The following RHEB variants were observed in gnomAD, a reference collection of about 807,000 sequenced individuals.
The protein encoded by RHEB is GTP-binding protein Rheb.
In RHEB, 2 loss-of-function variants were observed where a neutral mutation model predicts 28.8. The observed-to-expected ratio is 0.07, with a 90% CI of 0.03 to 0.22. The LOEUF (loss-of-function observed/expected upper bound fraction) is 0.22. RHEB is among the 10% of genes least tolerant of loss of function. The pLI, the probability that RHEB is intolerant of heterozygous loss-of-function variation, is 1.00. For missense variants in RHEB, 76 were observed against 219.9 expected, an observed-to-expected ratio of 0.35 and a Z score of 4.14; for synonymous variants, 69 against 77.3, an observed-to-expected ratio of 0.89 and a Z score of 0.56.
chr7:151,478,342 T>C (rs1563092804), intron 3 of RHEB, among the ~76,000 whole-genome samples: 3 of 151,814 alleles, frequency 2.0e-5, no homozygotes, highest in African/African-American at 4.8e-5. Flanking sequence ...ATAACCACTG[T>C]TTATGACAGC....
intron 4 of RHEB, among the ~76,000 whole-genome samples, chr7:151,473,381 C>T (rs1802200179): frequency 1.3e-5 from 2 of 152,182 alleles, no homozygotes; most frequent in East Asian, 1.9e-4. Context: ...CCCAGGCAAG[C>T]CTTCAGATGG....
At chr7:151,494,048 AG>A (rs759486318) in intron 1 of RHEB, among the ~76,000 whole-genome samples, 7 of 152,186 alleles carry the variant, frequency 4.6e-5, no homozygotes, top group Non-Finnish European at 8.8e-5. Flanking sequence ...GGGTAGGATA[AG>A]GGTTTGTGGG....
rs373922071 is a variant in RHEB at position 151,467,080 on chromosome 7, T to C, written c.*39A>G. 1.2e-5 allele frequency: 17 copies of C among 1,437,192 alleles called. No homozygotes were observed. The highest frequency in any genetic ancestry group is 8.4e-5 in the African/African-American group (6 of 71,472). The allele number at this position is 1,437,192 out of a possible 1,614,324, so 89.0% of individuals were successfully genotyped here. On this transcript the variant is annotated 3_prime_UTR_variant, in exon 8 of 8. Coordinates refer to ENST00000262187, the MANE Select transcript of RHEB (RefSeq NM_005614.4). ...AGAACGGGCAGTTTGCTTCTTCAGG[T>C]AGAATATATTCCCAGTGTCCTCAGG...
At chr7:151,471,056 C>T (rs1015554269) in intron 6 of RHEB, among the ~76,000 whole-genome samples, 2 of 152,252 alleles carry the variant, frequency 1.3e-5, no homozygotes, top group African/African-American at 2.4e-5. Flanking sequence ...CATGAAGCTG[C>T]CTGGGCAGGG....
chr7:151,472,966 G>A lies in RHEB; in HGVS notation c.276-1361C>T, dbSNP rs764443507. Reference sequence around the variant, plus strand: ...GTATTTGCCTATCTTTAAAAGTGTCGCCACTTGGGCAAAAATACAGTACCC... The same window carrying A: ...GTATTTGCCTATCTTTAAAAGTGTCACCACTTGGGCAAAAATACAGTACCC... On this transcript the variant is annotated intron_variant, in intron 4 of 7. Transcript: ENST00000262187. This position sits in a 1 kb window ranked among gnomAD's most constrained non-coding sequence, Gnocchi z 5.2. Among the ~76,000 whole-genome samples the A allele has an allele frequency of 7.2e-5, 11 of 152,136 alleles. No homozygotes were observed. Among genetic ancestry groups the A allele is most frequent in the South Asian group, 2.1e-4 (1 of 4,830 alleles).
intron 1 of RHEB, among the ~76,000 whole-genome samples, chr7:151,495,326 T>A (rs1019702543): frequency 2.0e-5 from 3 of 152,226 alleles, no homozygotes; most frequent in African/African-American, 7.2e-5. Context: ...CATAAATTAC[T>A]ATAAATGGTT....
chr7:151,480,687 TTA>T (rs200621793), intron 3 of RHEB, among the ~76,000 whole-genome samples: 14 of 59,196 alleles, frequency 2.4e-4, no homozygotes, highest in South Asian at 1.3e-3. Flanking sequence ...TTATTAATTA[TTA>T]TTTTTTTTTT....
At position 151,468,594 on chromosome 7, in the gene RHEB, G is replaced by A. The variant is rs538124493; in HGVS notation, c.463-1383C>T. On this transcript the variant is annotated intron_variant, in intron 7 of 7. Coordinates refer to ENST00000262187, the MANE Select transcript of RHEB (RefSeq NM_005614.4). The surrounding 1 kb of genome is among the most constrained non-coding windows in gnomAD (Gnocchi z 4.3). ...CTCCTCAAATGTTCCCCGTGCTTAC[G>A]CTCAGCTGAAAACCTTGTTTTACAC... Among the ~76,000 whole-genome samples, 49 of 152,328 alleles carry A rather than the reference G, an allele frequency of 3.2e-4. No homozygotes were observed. Among genetic ancestry groups the A allele is most frequent in the Admixed American group, 8.5e-4 (13 of 15,296 alleles).
chr7:151,489,083 C>T (rs1327133816), intron 2 of RHEB, among the ~76,000 whole-genome samples: 1 of 152,170 alleles, frequency 6.6e-6, no homozygotes, highest in African/African-American at 2.4e-5. Context: ...CACACACCAT[C>T]ACGCCCAGCT....
At chr7:151,478,641 A>AT (rs959579831) in intron 3 of RHEB, among the ~76,000 whole-genome samples, 353 of 148,106 alleles carry the variant, frequency 2.4e-3, no homozygotes, top group Non-Finnish European at 3.0e-3. Context: ...TATAATTCTG[A>AT]TTTTTTTTTT....
intron 3 of RHEB, among the ~76,000 whole-genome samples, chr7:151,477,860 G>A (rs1802298903): frequency 6.6e-6 from 1 of 152,078 alleles, no homozygotes; most frequent in African/African-American, 2.4e-5. Context: ...CAGTCACAAT[G>A]ACCTGAGCTT....
intron 1 of RHEB, chr7:151,517,774 C>A (rs1035842441): frequency 1.3e-5 from 2 of 151,742 alleles, no homozygotes; most frequent in Non-Finnish European, 2.9e-5. Context: ...AAGGGTAAAT[C>A]AGTCAAGATC....
intron 1 of RHEB, chr7:151,498,040 G>T: frequency 9.5e-7 from 1 of 1,057,680 alleles, no homozygotes; most frequent in Non-Finnish European, 1.3e-6. Context: ...GAAGATGAAT[G>T]CACCTTACAG....
chr7:151,508,123 C>A (rs1802920607), intron 1 of RHEB, among the ~76,000 whole-genome samples: 1 of 151,974 alleles, frequency 6.6e-6, no homozygotes, highest in East Asian at 1.9e-4. Context: ...GGAGAGAAGA[C>A]CTGGGATACA....
Position 151,466,911 on chromosome 7 carries a change from A to T in RHEB, c.*208T>A. The T allele has an allele frequency of 2.1e-6, 1 of 466,336 alleles. No individual in the cohort carries two copies. Among genetic ancestry groups the T allele is most frequent in the East Asian group, 3.4e-5 (1 of 29,392 alleles). 28.9% of individuals were successfully genotyped at this position (466,336 alleles called of 1,614,324 possible). Reference sequence around the variant, plus strand: ...AAGAAATACAATATATAAATTGAAAATATGATTGCTTAAAATTTGAAAATG... The same window carrying T: ...AAGAAATACAATATATAAATTGAAATTATGATTGCTTAAAATTTGAAAATG... On this transcript the variant is annotated 3_prime_UTR_variant, in exon 8 of 8. Coordinates refer to ENST00000262187, the MANE Select transcript of RHEB (RefSeq NM_005614.4).
chr7:151,493,029 G>A (rs577232352), intron 1 of RHEB, among the ~76,000 whole-genome samples: 56 of 151,964 alleles, frequency 3.7e-4, no homozygotes, highest in Non-Finnish European at 7.1e-4. Context: ...TTTTAGTAGA[G>A]ACAGGGTTTC....
intron 2 of RHEB, 27 bp from the exon 3 acceptor site, chr7:151,484,831 TA>T: frequency 6.5e-7 from 1 of 1,536,432 alleles, no homozygotes; most frequent in South Asian, 1.1e-5. Context: ...AATTAAACAT[TA>T]GTTTAAAAAA....
chr7:151,481,597 G>A (rs925634497), intron 3 of RHEB, among the ~76,000 whole-genome samples: 1 of 152,178 alleles, frequency 6.6e-6, no homozygotes, highest in Non-Finnish European at 1.5e-5. Context: ...GTGAAACCAC[G>A]GCAGGACATG....
intron 1 of RHEB, chr7:151,502,758 C>A: frequency 6.6e-7 from 1 of 1,506,524 alleles, no homozygotes; most frequent in East Asian, 2.3e-5. Context: ...AATGGAAAAG[C>A]GACATAACTA....
Sources: allele counts gnomAD v4.1 joint callset (sites outside exome capture counted in the v4.1 genomes callset), GRCh38; gene constraint gnomAD v4.1.1; non-coding constraint Gnocchi (gnomAD v3.1); transcripts MANE v1.5; gene names NCBI Gene and HGNC (gene_info 2026-07-23, HGNC 2026-07-21).